Variants in APIP observed in about 807,000 individuals in gnomAD.
APIP encodes APAF1 interacting protein.
A neutral mutation model predicts 32.0 loss-of-function variants in APIP; 32 were observed. The observed-to-expected ratio is 1.00, with a 90% CI of 0.76 to 1.34. APIP has a LOEUF of 1.34. Among genes scored for constraint, APIP ranks in the 40% most tolerant of loss-of-function variants. The pLI, the probability that APIP is intolerant of heterozygous loss-of-function variation, is 0.00. For synonymous variants in APIP, 92 were observed against 94.8 expected (o/e 0.97, Z 0.17); for missense variants, 247 against 298.6 (o/e 0.83, Z 1.27).
At chr11:34,913,590 G>A (rs2133926510) in intron 1 of APIP, among the ~76,000 whole-genome samples, 1 of 152,320 alleles carries the variant, frequency 6.6e-6, no homozygotes, top group East Asian at 1.9e-4. Context: ...GAGTGTTACA[G>A]CTCATAAAGG....
At chr11:34,908,294 T>C (rs575470443) in intron 1 of APIP, among the ~76,000 whole-genome samples, 150 of 152,326 alleles carry the variant, frequency 9.8e-4, no homozygotes, top group African/African-American at 3.6e-3. Flanking sequence ...AGCATAATAA[T>C]AACTCCAAGA....
chr11:34,907,055 T>C (rs1481975511), intron 1 of APIP, among the ~76,000 whole-genome samples: 1 of 152,134 alleles, frequency 6.6e-6, no homozygotes, highest in Non-Finnish European at 1.5e-5. Flanking sequence ...CCACTTGATG[T>C]CCCTTTTCGG....
chr11:34,882,899 C>A (rs1320675344), intron 6 of APIP, 83 bp from the exon 7 acceptor site: 19 of 963,764 alleles, frequency 2.0e-5, no homozygotes, highest in Non-Finnish European at 2.9e-5. Flanking sequence ...TCCTCTCTTG[C>A]AGTTAACTCT....
At chr11:34,915,267 TTC>T (rs1414095975) in intron 1 of APIP, among the ~76,000 whole-genome samples, 3 of 152,228 alleles carry the variant, frequency 2.0e-5, no homozygotes, top group Non-Finnish European at 2.9e-5. Flanking sequence ...CTCCAAGATC[TTC>T]TCTCTCTCAT....
chr11:34,883,332 C>G lies in APIP; in HGVS notation c.629+5G>C, dbSNP rs373309162. Reference sequence around the variant, plus strand: ...TGTTCCCCATGTTCTCTGATTTACACTCACATGGTTTTGGCCTTCTCCCAT... The same window carrying G: ...TGTTCCCCATGTTCTCTGATTTACAGTCACATGGTTTTGGCCTTCTCCCAT... On this transcript the variant is annotated splice_donor_5th_base_variant and intron_variant, in intron 6 of 6. Transcript: ENST00000395787. The G allele has an allele frequency of 9.1e-5, 146 of 1,602,968 alleles. No individual in the cohort carries two copies. The highest frequency in any genetic ancestry group is 1.2e-4 in the Admixed American group (7 of 58,642).
chr11:34,884,447 A>G (rs2985399), intron 5 of APIP, among the ~76,000 whole-genome samples: 91,328 of 152,064 alleles, frequency 0.6, 28,467 homozygotes, highest in East Asian at 0.74. Flanking sequence ...AACTATGGCT[A>G]GGTGCATTGG....
intron 2 of APIP, 74 bp downstream of exon 2, chr11:34,894,936 G>T: frequency 7.8e-7 from 1 of 1,283,138 alleles, no homozygotes; most frequent in Non-Finnish European, 1.1e-6. Flanking sequence ...TTGTTCTTTG[G>T]ATATAACACA....
chr11:34,899,614 T>C (rs564743122), intron 1 of APIP, among the ~76,000 whole-genome samples: 1 of 152,176 alleles, frequency 6.6e-6, no homozygotes, highest in Admixed American at 6.5e-5. Context: ...TTTCTTGAGA[T>C]CTGTTTTTTT....
rs747527357 is a variant in APIP, at chr11:34,882,743, G to A, written c.703C>T (p.Pro235Ser). Residue 235 changes from proline (P) to serine (S), a missense_variant, in exon 7 of 7, where the codon CCA becomes TCA. Physicochemically the swap from Pro to Ser is moderately conservative, Grantham distance 74. Coordinates refer to ENST00000395787, the MANE Select transcript of APIP (RefSeq NM_015957.4). ...KKVGLDPSQL[P>S]VGENGIV ...TAGACAATTCCATTTTCTCCAACTGGGAGCTGTGAAGGATCAAGTCCTACT... is the reference window on the plus strand; with the variant it reads ...TAGACAATTCCATTTTCTCCAACTGAGAGCTGTGAAGGATCAAGTCCTACT... The A allele has an allele frequency of 6.2e-7, 1 of 1,601,838 alleles. No individual in the cohort carries two copies. Among genetic ancestry groups the A allele is most frequent in the South Asian group, 1.1e-5 (1 of 90,214 alleles).
At chr11:34,911,898 C>T (rs1209961840) in intron 1 of APIP, among the ~76,000 whole-genome samples, 1 of 152,140 alleles carries the variant, frequency 6.6e-6, no homozygotes, top group Non-Finnish European at 1.5e-5. Context: ...TGCCCCACTG[C>T]CCATTACTGG....
At chr11:34,896,817 G>C in intron 1 of APIP, 1 of 1,288,130 alleles carries the variant, frequency 7.8e-7, no homozygotes, top group Non-Finnish European at 1.0e-6. Flanking sequence ...GCAAAACTCT[G>C]GTGACCTTGA....
At chr11:34,911,749 T>C (rs1853555427) in intron 1 of APIP, among the ~76,000 whole-genome samples, 3 of 152,182 alleles carry the variant, frequency 2.0e-5, no homozygotes, top group Admixed American at 1.3e-4. Flanking sequence ...ATCTTCTTTT[T>C]GGTTTCCATC....
At chr11:34,898,614 A>G (rs1853318580) in intron 1 of APIP, among the ~76,000 whole-genome samples, 1 of 151,704 alleles carries the variant, frequency 6.6e-6, no homozygotes, top group Non-Finnish European at 1.5e-5. Flanking sequence ...CCAGGAGTTT[A>G]GCTCAGGAAT....
At position 34,907,624 on chromosome 11, in the gene APIP, G is replaced by C. The variant is rs187291843; in HGVS notation, c.57+8604C>G. 2.6e-5 allele frequency among the ~76,000 whole-genome samples: 4 copies of C among 152,216 alleles called. No individual in the cohort carries two copies. In the East Asian group the frequency reaches 7.7e-4, roughly 29 times the overall value. On this transcript the variant is annotated intron_variant, in intron 1 of 6. Transcript: ENST00000395787. ...ACTACCAGAACATATATTTTAACAA[G>C]AATTGACAAGAAGGAAAGGTTCAAT...
At position 34,911,748 on chromosome 11, in the gene APIP, T is replaced by A. The variant is rs144699144; in HGVS notation, c.57+4480A>T. Among the ~76,000 whole-genome samples the A allele has an allele frequency of 3.9e-5, 6 of 152,276 alleles. No individual in the cohort carries two copies. In the East Asian group the frequency reaches 1.2e-3, roughly 29 times the overall value. ...ATATGCTGGCCCTAGTATCTTCTTT[T>A]TGGTTTCCATCTGGCCAATCTAAAA... is the stretch of plus-strand genomic sequence containing the variant. On this transcript the variant is annotated intron_variant, in intron 1 of 6. Coordinates refer to ENST00000395787, the MANE Select transcript of APIP (RefSeq NM_015957.4).
chr11:34,903,172 A>G (rs1329738047), intron 1 of APIP, among the ~76,000 whole-genome samples: 2 of 152,222 alleles, frequency 1.3e-5, no homozygotes, highest in Non-Finnish European at 2.9e-5. Context: ...TTCCCCAAGG[A>G]AACTGGGGAA....
At chr11:34,900,345 C>G (rs960474757) in intron 1 of APIP, among the ~76,000 whole-genome samples, 8 of 151,284 alleles carry the variant, frequency 5.3e-5, no homozygotes, top group Non-Finnish European at 1.0e-4. Flanking sequence ...GTACCATCAG[C>G]TCCTCTAGCT....
intron 1 of APIP, among the ~76,000 whole-genome samples, chr11:34,914,349 G>A (rs780576510): frequency 6.6e-6 from 1 of 152,096 alleles, no homozygotes; most frequent in East Asian, 1.9e-4. Flanking sequence ...CTAAATATTC[G>A]TTGAATTAAT....
intron 1 of APIP, among the ~76,000 whole-genome samples, chr11:34,903,079 G>A (rs758045270): frequency 2.0e-4 from 30 of 152,218 alleles, no homozygotes; most frequent in Admixed American, 1.3e-4. Context: ...GCTAACAGCC[G>A]ACTCCTTACA....
Sources: allele counts gnomAD v4.1 joint callset (sites outside exome capture counted in the v4.1 genomes callset), GRCh38; gene constraint gnomAD v4.1.1; transcripts MANE v1.5; gene names NCBI Gene and HGNC (gene_info 2026-07-23, HGNC 2026-07-21).